The following TRHDE variants were observed in gnomAD, a reference collection of about 807,000 sequenced individuals.
TRHDE encodes thyrotropin-releasing hormone-degrading ectoenzyme.
In TRHDE, 72 loss-of-function variants were observed where a neutral mutation model predicts 125.7. The ratio of observed to expected loss-of-function variants is 0.57; its 90% CI spans 0.47 to 0.70. The LOEUF (loss-of-function observed/expected upper bound fraction) is 0.70. Among genes scored for constraint, TRHDE ranks in the 30% least tolerant of loss-of-function variants. TRHDE has a pLI of 0.00. For missense variants in TRHDE, 1,110 were observed against 1,327.1 expected (o/e 0.84, Z 2.54); for synonymous variants, 509 against 509.1 (o/e 1.00, Z 0.00).
intron 2 of TRHDE, chr12:72,253,730 G>A (rs1168269869): frequency 6.6e-6 from 1 of 152,166 alleles, no homozygotes; most frequent in East Asian, 1.9e-4. Context: ...CTAACTTGCT[G>A]AGAGTTTTTA....
At chr12:72,460,028 C>A (rs1349002985) in intron 3 of TRHDE, among the ~76,000 whole-genome samples, 3 of 152,182 alleles carry the variant, frequency 2.0e-5, no homozygotes, top group African/African-American at 7.2e-5. Flanking sequence ...GGTGAATATA[C>A]CTGACCCTAG....
intron 2 of TRHDE, among the ~76,000 whole-genome samples, chr12:72,322,865 A>AG (rs1445624716): frequency 1.3e-5 from 2 of 152,130 alleles, no homozygotes; most frequent in Non-Finnish European, 2.9e-5. Flanking sequence ...CAGTGGATAT[A>AG]GGGGGTGCAG....
chr12:72,570,578 C>CAAA lies in TRHDE; in HGVS notation c.2131+1947_2131+1949dup, dbSNP rs572094533. 2.5e-3 allele frequency among the ~76,000 whole-genome samples: 147 copies of CAAA among 58,430 alleles called. 9 individuals are homozygous for CAAA. The highest frequency in any genetic ancestry group is 5.2e-3 in the African/African-American group (125 of 24,160). The allele number at this position is 58,430 out of a possible 152,430, so 38.3% of individuals were successfully genotyped here. A position where few individuals can be genotyped will look rare whatever the true frequency, so the allele number is the denominator to read the frequency against. Reference sequence around the variant, plus strand: ...CCTGAGTGAGAGAGAGAGACTGTCTCAAAAAAAAAAAAAAAAAAAAAAAAA... The same window carrying CAAA: ...CCTGAGTGAGAGAGAGAGACTGTCTCAAAAAAAAAAAAAAAAAAAAAAAAAAAA... On this transcript the variant is annotated intron_variant, in intron 10 of 18. Transcript: ENST00000261180.
chr12:72,545,146 G>T (rs1027202269), intron 7 of TRHDE, among the ~76,000 whole-genome samples: 3 of 151,322 alleles, frequency 2.0e-5, no homozygotes, highest in African/African-American at 7.3e-5. Context: ...ACTGAATTGA[G>T]CTTGAACATT....
At chr12:72,385,259 T>C (rs1165693590) in intron 3 of TRHDE, among the ~76,000 whole-genome samples, 1 of 152,096 alleles carries the variant, frequency 6.6e-6, no homozygotes, top group Non-Finnish European at 1.5e-5. Context: ...TTTGATCTTA[T>C]ACTCAGCTAT....
chr12:72,221,326 T>C (rs2730667), intron 2 of TRHDE, among the ~76,000 whole-genome samples: 152,106 of 152,200 alleles, frequency 1, 76,006 homozygotes, highest in East Asian at 1. Context: ...TCAAGAGTTA[T>C]TGAATATCAT....
At chr12:72,095,500 G>C (rs1384783215) in intron 1 of TRHDE, among the ~76,000 whole-genome samples, 1 of 152,168 alleles carries the variant, frequency 6.6e-6, no homozygotes, top group Non-Finnish European at 1.5e-5. Context: ...TCACCTTAGA[G>C]ATGAGGAAGC....
chr12:72,209,108 T>C (rs1024367748), intron 2 of TRHDE, among the ~76,000 whole-genome samples: 13 of 152,188 alleles, frequency 8.5e-5, no homozygotes, highest in Non-Finnish European at 2.9e-5. Context: ...CTTGTGGTCT[T>C]GGTCTCTCTG....
intron 3 of TRHDE, among the ~76,000 whole-genome samples, chr12:72,468,769 C>A (rs896125951): frequency 1.3e-5 from 2 of 152,228 alleles, no homozygotes; most frequent in Non-Finnish European, 2.9e-5. Context: ...GCCGCCACTG[C>A]CTGTTGCTGG....
At chr12:72,170,773 G>T (rs920703008) in intron 2 of TRHDE, among the ~76,000 whole-genome samples, 3 of 152,132 alleles carry the variant, frequency 2.0e-5, no homozygotes, top group African/African-American at 7.2e-5. Context: ...ATATGTGAAT[G>T]CTTAAAAAGG....
chr12:72,136,465 A>C (rs992456753), intron 2 of TRHDE, among the ~76,000 whole-genome samples: 1 of 152,244 alleles, frequency 6.6e-6, no homozygotes, highest in African/African-American at 2.4e-5. Flanking sequence ...GAATGCTTGT[A>C]CTTTCCCATT....
chr12:72,526,249 A>G (rs1868335807), intron 6 of TRHDE, among the ~76,000 whole-genome samples: 1 of 152,110 alleles, frequency 6.6e-6, no homozygotes, highest in Non-Finnish European at 1.5e-5. Flanking sequence ...CAGTTTCAGG[A>G]TACTCGGGAG....
At chr12:72,312,811 A>G (rs1160860440) in intron 2 of TRHDE, among the ~76,000 whole-genome samples, 1 of 152,206 alleles carries the variant, frequency 6.6e-6, no homozygotes, top group African/African-American at 2.4e-5. Flanking sequence ...AATTCTAGTA[A>G]GTAATAAAGT....
chr12:72,226,174 A>T (rs749319732), intron 2 of TRHDE, among the ~76,000 whole-genome samples: 1 of 152,210 alleles, frequency 6.6e-6, no homozygotes, highest in African/African-American at 2.4e-5. Flanking sequence ...ACGGGTCTTT[A>T]TAAGCTTCTG....
chr12:72,563,700 C>T (rs1870293928), intron 9 of TRHDE, among the ~76,000 whole-genome samples: 1 of 146,604 alleles, frequency 6.8e-6, no homozygotes, highest in Non-Finnish European at 1.5e-5. Context: ...TATTTTGTGT[C>T]TGATTAAAGT....
intron 6 of TRHDE, among the ~76,000 whole-genome samples, chr12:72,523,992 G>C (rs562837075): frequency 2.6e-5 from 4 of 152,284 alleles, no homozygotes; most frequent in Non-Finnish European, 5.9e-5. Flanking sequence ...TTACCTCACT[G>C]ATGGACTTCT....
intron 15 of TRHDE, among the ~76,000 whole-genome samples, chr12:72,648,269 A>G (rs951153271): frequency 6.6e-6 from 1 of 152,152 alleles, no homozygotes; most frequent in South Asian, 2.1e-4. Context: ...AAGGCCATAT[A>G]TGAAAAGCCT....
At chr12:72,249,052 A>G (rs958538539) in intron 2 of TRHDE, among the ~76,000 whole-genome samples, 1 of 152,148 alleles carries the variant, frequency 6.6e-6, no homozygotes, top group Non-Finnish European at 1.5e-5. Context: ...GAAATTTAGA[A>G]TGCATCCTAG....
In TRHDE at chr12:72,666,148, T is replaced by C. The variant is rs1261805384; in HGVS notation, c.*2953T>C. On this transcript the variant is annotated 3_prime_UTR_variant, in exon 19 of 19. Transcript: ENST00000261180. ...ATGCATTGCTTTCTCAAAGAACTGT[T>C]ACACATTTTGTTTTATTTGACTCAT... 1.3e-5 allele frequency: 2 copies of C among 152,148 alleles called. No individual in the cohort carries two copies. The highest frequency in any genetic ancestry group is 2.9e-5 in the Non-Finnish European group (2 of 68,020). The allele number at this position is 152,148 out of a possible 1,614,324, so 9.4% of individuals were successfully genotyped here. A position where few individuals can be genotyped will look rare whatever the true frequency, so the allele number is the denominator to read the frequency against.
Sources: gnomAD v4.1 joint callset for allele counts (sites outside exome capture counted in the v4.1 genomes callset) on GRCh38, gnomAD v4.1.1 for gene constraint, MANE v1.5 for transcripts, NCBI Gene and HGNC (gene_info 2026-07-23, HGNC 2026-07-21) for gene names.